The following RBM28 variants were observed in gnomAD, a reference collection of about 807,000 sequenced individuals.
RBM28 encodes the protein RNA binding motif protein 28.
A neutral mutation model predicts 98.3 loss-of-function variants in RBM28; 78 were observed. The observed-to-expected ratio is 0.79, with a 90% confidence interval of 0.66 to 0.96. The LOEUF is 0.96. Ranked by LOEUF, RBM28 falls within the 40% of genes least tolerant of loss-of-function variation. The pLI is 0.00. For missense variants in RBM28, 838 were observed against 913.0 expected (o/e 0.92, Z 1.06); for synonymous variants, 306 against 330.9 (o/e 0.92, Z 0.82).
At chr7:128,313,362 C>G (rs1382259751) in intron 17 of RBM28, 88 bp from the exon 18 acceptor site, 4 of 1,267,324 alleles carry the variant, frequency 3.2e-6, no homozygotes, top group Non-Finnish European at 4.6e-6. Flanking sequence ...CTTCCCAAGC[C>G]CATGATAAGT....
At position 128,335,775 on chromosome 7, in the gene RBM28, AAGG is replaced by A. The variant is rs1425607405; in HGVS notation, c.809+69_809+71del. 1.9e-6 allele frequency: 3 copies of A among 1,613,530 alleles called. No homozygotes were observed. In the African/African-American group the frequency reaches 4.0e-5, roughly 22 times the overall value. The stretch of plus-strand genomic sequence containing the variant: ...AATTCTGCAATGATGCAGGCAGAAA[AAGG>A]AGAATTTTTCCTCTCGGAGACAATC... On this transcript the variant is annotated intron_variant, in intron 7 of 18. Transcript: ENST00000223073.
At chr7:128,337,579 G>C (rs371316176) in intron 5 of RBM28, among the ~76,000 whole-genome samples, 1 of 13,980 alleles carries the variant, frequency 7.2e-5, no homozygotes, top group African/African-American at 1.8e-4. Context: ...TTTTTTTTGA[G>C]ACACAGTCTC....
chr7:128,339,560 C>T (rs1796676734), intron 2 of RBM28, 73 bp downstream of exon 2: 1 of 1,512,146 alleles, frequency 6.6e-7, no homozygotes. Context: ...TACCTCCATG[C>T]CTCCCTCTTT....
intron 10 of RBM28, among the ~76,000 whole-genome samples, chr7:128,328,412 A>G (rs897920917): frequency 6.6e-6 from 1 of 152,204 alleles, no homozygotes; most frequent in African/African-American, 2.4e-5. Context: ...TCTTCCAGGT[A>G]GTGAAATGGC....
At chr7:128,320,605 T>C (rs1796210847) in intron 14 of RBM28, among the ~76,000 whole-genome samples, 1 of 152,108 alleles carries the variant, frequency 6.6e-6, no homozygotes, top group Admixed American at 6.6e-5. Context: ...GAACACAGGG[T>C]AAGAATCTAA....
chr7:128,323,470 T>C, intron 13 of RBM28, 57 bp downstream of exon 13: 1 of 1,591,684 alleles, frequency 6.3e-7, no homozygotes, highest in South Asian at 1.1e-5. Context: ...TCGATAACTA[T>C]TTTTGATTGA....
chr7:128,340,328 G>A (rs552362381), intron 1 of RBM28, among the ~76,000 whole-genome samples: 53 of 152,208 alleles, frequency 3.5e-4, no homozygotes, highest in African/African-American at 1.0e-3. Context: ...TAGATTAATG[G>A]GCTATCATGA....
intron 16 of RBM28, 122 bp downstream of exon 16, chr7:128,317,537 A>C (rs2116330784): frequency 4.0e-6 from 3 of 746,650 alleles, no homozygotes; most frequent in Middle Eastern, 3.5e-4. Context: ...ACTGGGAGTA[A>C]AGGGAACTAG....
At chr7:128,327,846 G>A (rs1333064145) in intron 10 of RBM28, among the ~76,000 whole-genome samples, 2 of 152,188 alleles carry the variant, frequency 1.3e-5, no homozygotes, top group Non-Finnish European at 2.9e-5. Context: ...TTACCTTTCA[G>A]TAGATTCCAA....
chr7:128,338,207 A>C (rs749075825), intron 5 of RBM28, 43 bp downstream of exon 5: 1 of 1,473,930 alleles, frequency 6.8e-7, no homozygotes, highest in Admixed American at 1.7e-5. Flanking sequence ...TCACCAAAAC[A>C]CCAGAAATAT....
At chr7:128,329,951 G>A (rs974436818) in intron 10 of RBM28, among the ~76,000 whole-genome samples, 13 of 149,368 alleles carry the variant, frequency 8.7e-5, no homozygotes, top group Non-Finnish European at 1.5e-4. Context: ...TGCAATAGGT[G>A]AAATCAAAGA....
In RBM28 at chr7:128,335,945, G is replaced by GTCATCA; in HGVS notation, c.705_710dup (p.Asp240_Asp241dup). 1 of 1,602,004 alleles carries GTCATCA rather than the reference G, an allele frequency of 6.2e-7. No individual in the cohort carries two copies. Among genetic ancestry groups the GTCATCA allele is most frequent in the Non-Finnish European group, 8.5e-7 (1 of 1,169,680 alleles). On this transcript the variant is annotated inframe_insertion, in exon 7 of 19. Coordinates refer to ENST00000223073, the MANE Select transcript of RBM28 (RefSeq NM_018077.3). ...CCCCATCTTCTTCATCATCATCATC[G>GTCATCA]TCATCATCATCGTTTTCTTCCTCTT...
At position 128,339,242 on chromosome 7, in the gene RBM28, C is replaced by G; in HGVS notation, c.357G>C (p.Arg119=). 6.2e-7 allele frequency: 1 copy of G among 1,611,928 alleles called. No homozygotes were observed. Among genetic ancestry groups the G allele is most frequent in the Non-Finnish European group, 8.5e-7 (1 of 1,178,016 alleles). ...TCTCACTTACCTTAAAGCTCAGGTTCCGAATAATTAATCTGGCTTTCTTAT... is the reference window on the plus strand; with the variant it reads ...TCTCACTTACCTTAAAGCTCAGGTTGCGAATAATTAATCTGGCTTTCTTAT... ...VADKKARLII[R]NLSFKCSEDD... is the part of the protein sequence containing the mutation. Residue 119 remains arginine, a synonymous_variant, in exon 3 of 19, where the codon CGG becomes CGC. Coordinates refer to ENST00000223073, the MANE Select transcript of RBM28 (RefSeq NM_018077.3).
rs1795772191 is a variant in RBM28, at chr7:128,300,825, G to A, written c.*9972C>T. 1 of 152,282 alleles carries A rather than the reference G, an allele frequency of 6.6e-6. No individual in the cohort carries two copies. Among genetic ancestry groups the A allele is most frequent in the Admixed American group, 6.5e-5 (1 of 15,292 alleles). The allele number at this position is 152,282 out of a possible 1,614,324, so 9.4% of individuals were successfully genotyped here. A position where few individuals can be genotyped will look rare whatever the true frequency, so the allele number is the denominator to read the frequency against. ...ATGATCCCTTAGCAGTGTTTGCTCT[G>A]GAAAAGGAGGAACAGGGACCTGGGT... On this transcript the variant is annotated 3_prime_UTR_variant, in exon 19 of 19. Transcript: ENST00000223073.
Position 128,317,691 on chromosome 7 carries a change from T to C in RBM28, c.1756A>G (p.Lys586Glu), listed in dbSNP as rs1796133869. 6.2e-7 allele frequency: 1 copy of C among 1,609,428 alleles called. No homozygotes were observed. Residue 586 changes from lysine to glutamate, a missense_variant, in exon 16 of 19, where the codon AAA (lysine) becomes GAA (glutamate). Lys to Glu is a moderately conservative substitution (Grantham distance 56). Coordinates refer to ENST00000223073, the MANE Select transcript of RBM28 (RefSeq NM_018077.3). ...EFSLEDRRKL[K>E]MKELRIQRSL... is the part of the protein sequence containing the mutation. Reference sequence around the variant, plus strand: ...CGCTGGATCCTTAATTCCTTCATTTTAAGTTTTCTTCGATCTTCTAAAGAG... The same window carrying C: ...CGCTGGATCCTTAATTCCTTCATTTCAAGTTTTCTTCGATCTTCTAAAGAG...
chr7:128,318,646 T>A (rs1796157353), intron 14 of RBM28, among the ~76,000 whole-genome samples: 1 of 152,052 alleles, frequency 6.6e-6, no homozygotes, highest in African/African-American at 2.4e-5. Flanking sequence ...CTTATAGACA[T>A]CAACAGAGAC....
intron 17 of RBM28, among the ~76,000 whole-genome samples, chr7:128,313,826 T>C (rs1009446355): frequency 7.9e-5 from 12 of 152,176 alleles, no homozygotes; most frequent in Non-Finnish European, 1.8e-4. Context: ...TCCCCCCTGC[T>C]CCTGGCCATG....
intron 5 of RBM28, 89 bp from the exon 6 acceptor site, chr7:128,337,291 G>A: frequency 7.6e-6 from 10 of 1,308,662 alleles, no homozygotes; most frequent in Non-Finnish European, 1.1e-5. Flanking sequence ...GACAATAATG[G>A]AACCAGTGGA....
At chr7:128,321,238 C>T (rs1187825232) in intron 14 of RBM28, 28 bp downstream of exon 14, 1 of 1,613,758 alleles carries the variant, frequency 6.2e-7, no homozygotes, top group South Asian at 1.1e-5. Context: ...AGAATGAAAG[C>T]TCCAAAATGG....
Sources: allele counts gnomAD v4.1 joint callset (sites outside exome capture counted in the v4.1 genomes callset), GRCh38; gene constraint gnomAD v4.1.1; transcripts MANE v1.5; gene names NCBI Gene and HGNC (gene_info 2026-07-23, HGNC 2026-07-21).